The following SLC14A2 variants were observed in gnomAD, a reference collection of about 807,000 sequenced individuals.
The protein encoded by SLC14A2 is solute carrier family 14 member 2.
SLC14A2 carries 91 observed loss-of-function variants against 104.6 expected under a neutral mutation model. The ratio of observed to expected loss-of-function variants is 0.87; its 90% CI spans 0.73 to 1.04. The LOEUF (loss-of-function observed/expected upper bound fraction) is 1.04. Ranked by LOEUF, SLC14A2 falls within the 50% of genes least tolerant of loss-of-function variation. The probability of loss-of-function intolerance (pLI) is 0.00; values close to 1 mark genes in which losing one functional copy is unlikely to be tolerated. For synonymous variants in SLC14A2, 476 were observed against 466.4 expected (o/e 1.02, Z -0.27); for missense variants, 1,189 against 1,156.0 (o/e 1.03, Z -0.41).
chr18:45,561,524 C>T (rs2044201067), intron 2 of SLC14A2, among the ~76,000 whole-genome samples: 1 of 152,210 alleles, frequency 6.6e-6, no homozygotes, highest in East Asian at 1.9e-4. Context: ...AGGGGCAGCC[C>T]GTTGGGTGGC....
intron 2 of SLC14A2, among the ~76,000 whole-genome samples, chr18:45,496,930 G>A (rs1381345709): frequency 1.3e-5 from 2 of 152,142 alleles, no homozygotes; most frequent in Non-Finnish European, 2.9e-5. Flanking sequence ...TTGCACTAGT[G>A]GCTTGCCAGA....
the SLC14A2 span, among the ~76,000 whole-genome samples, chr18:45,185,984 G>A: frequency 1.3e-5 from 2 of 152,140 alleles, no homozygotes; most frequent in South Asian, 2.1e-4. Flanking sequence ...ATCTAAATAA[G>A]TGGAGCAGTA....
intron 1 of SLC14A2, among the ~76,000 whole-genome samples, chr18:45,223,824 T>G (rs1474649228): frequency 6.6e-6 from 1 of 152,186 alleles, no homozygotes; most frequent in Non-Finnish European, 1.5e-5. Flanking sequence ...GGCTCTAGAC[T>G]CTTCTGAGCT....
chr18:45,390,579 A>G (rs1395350974), intron 1 of SLC14A2, among the ~76,000 whole-genome samples: 1 of 95,136 alleles, frequency 1.1e-5, no homozygotes, highest in Non-Finnish European at 2.4e-5. Context: ...TGGAGCCTAT[A>G]TTTTATTACC....
chr18:45,193,599 T>C, the SLC14A2 span, among the ~76,000 whole-genome samples: 1 of 152,218 alleles, frequency 6.6e-6, no homozygotes, highest in African/African-American at 2.4e-5. Flanking sequence ...ACTAGCACAC[T>C]GTTTTAATTA....
At chr18:45,405,509 GTTATA>G (rs1227753180) in intron 1 of SLC14A2, among the ~76,000 whole-genome samples, 1 of 152,114 alleles carries the variant, frequency 6.6e-6, no homozygotes, top group Admixed American at 6.6e-5. Flanking sequence ...GCATATGAAA[GTTATA>G]TTATACTATA....
intron 10 of SLC14A2, among the ~76,000 whole-genome samples, chr18:45,652,639 G>A (rs889140921): frequency 7.9e-5 from 12 of 152,322 alleles, no homozygotes; most frequent in Middle Eastern, 6.8e-3. Context: ...GAAGCCACGA[G>A]CATTGTGAAG....
intron 2 of SLC14A2, among the ~76,000 whole-genome samples, chr18:45,589,918 T>C (rs1041785489): frequency 3.9e-5 from 6 of 152,226 alleles, no homozygotes; most frequent in African/African-American, 9.6e-5. Context: ...TTTCTGTGTC[T>C]GAGCGTGAGA....
chr18:45,652,472 A>C (rs2045757240), intron 10 of SLC14A2, among the ~76,000 whole-genome samples: 1 of 152,222 alleles, frequency 6.6e-6, no homozygotes, highest in Non-Finnish European at 1.5e-5. Flanking sequence ...GAATGAAGCA[A>C]AGTAAGCAGC....
At chr18:45,390,294 G>A (rs1453238735) in intron 1 of SLC14A2, among the ~76,000 whole-genome samples, 1 of 152,110 alleles carries the variant, frequency 6.6e-6, no homozygotes, top group African/African-American at 2.4e-5. Context: ...TGGGCTTCAT[G>A]AAGCAACCAG....
intron 1 of SLC14A2, among the ~76,000 whole-genome samples, chr18:45,392,387 G>A (rs560753487): frequency 6.6e-6 from 1 of 152,290 alleles, no homozygotes; most frequent in East Asian, 1.9e-4. Flanking sequence ...TGGGCTTATG[G>A]AATACTTGGG....
At chr18:45,330,641 C>T (rs1370851114) in intron 1 of SLC14A2, among the ~76,000 whole-genome samples, 1 of 152,182 alleles carries the variant, frequency 6.6e-6, no homozygotes, top group Non-Finnish European at 1.5e-5. Context: ...TTCAGCTCTG[C>T]ATGCAGATGT....
chr18:45,610,151 C>G (rs145761080), intron 2 of SLC14A2, among the ~76,000 whole-genome samples: 6 of 152,302 alleles, frequency 3.9e-5, no homozygotes, highest in Non-Finnish European at 7.4e-5. Context: ...CCCTGAGAAG[C>G]CTGTGTGCAG....
the SLC14A2 span, chr18:45,180,861 TAA>T: frequency 6.6e-6 from 1 of 151,896 alleles, no homozygotes; most frequent in Non-Finnish European, 1.5e-5. Context: ...AATAAGAAAA[TAA>T]AAAAGTTTAC....
At chr18:45,191,992 G>A in the SLC14A2 span, among the ~76,000 whole-genome samples, 1 of 152,194 alleles carries the variant, frequency 6.6e-6, no homozygotes, top group Admixed American at 6.5e-5. Context: ...ATTACAATCT[G>A]TGTGTGTAAA....
At chr18:45,416,991 C>A (rs1373170556) in intron 1 of SLC14A2, among the ~76,000 whole-genome samples, 1 of 152,164 alleles carries the variant, frequency 6.6e-6, no homozygotes, top group Non-Finnish European at 1.5e-5. Context: ...ACATGTGGTA[C>A]TTGTGCACAT....
In SLC14A2 at chr18:45,654,139, G is replaced by GGA. The variant is rs989875420; in HGVS notation, c.1352-9645_1352-9644insAG. Among the ~76,000 whole-genome samples the GGA allele has an allele frequency of 3.3e-5, 5 of 151,386 alleles. No homozygotes were observed. In the East Asian group the frequency reaches 5.8e-4, roughly 18 times the overall value. On this transcript the variant is annotated intron_variant, in intron 10 of 19. Coordinates refer to ENST00000255226, the MANE Select transcript of SLC14A2 (RefSeq NM_007163.4). ...AAATAGTCTTTTGGCAGGAATGCTG[G>GGA]GGGGGACGTGGGTGAGCTGCAGAAG... is the stretch of plus-strand genomic sequence containing the variant.
upstream of SLC14A2, among the ~76,000 whole-genome samples, chr18:45,211,051 G>T (rs927774054): frequency 2.0e-5 from 3 of 152,130 alleles, no homozygotes; most frequent in Admixed American, 1.3e-4. Flanking sequence ...CTTTTCCCGA[G>T]TTGTGATCTC....
chr18:45,538,767 G>A (rs1196144752), intron 2 of SLC14A2, among the ~76,000 whole-genome samples: 1 of 151,998 alleles, frequency 6.6e-6, no homozygotes, highest in Non-Finnish European at 1.5e-5. Flanking sequence ...GGACCACTGA[G>A]GGCAATCTTG....
Sources: allele counts gnomAD v4.1 joint callset (sites outside exome capture counted in the v4.1 genomes callset), GRCh38; gene constraint gnomAD v4.1.1; transcripts MANE v1.5; gene names NCBI Gene and HGNC (gene_info 2026-07-23, HGNC 2026-07-21).